The following LRRC4C variants were observed in gnomAD, a reference collection of about 807,000 sequenced individuals.
LRRC4C encodes leucine-rich repeat-containing protein 4C.
In LRRC4C, 5 loss-of-function variants were observed where a neutral mutation model predicts 33.6. The observed-to-expected ratio is 0.15, with a 90% CI of 0.08 to 0.31. The LOEUF (loss-of-function observed/expected upper bound fraction) is 0.31. Among genes scored for constraint, LRRC4C ranks in the 10% least tolerant of loss-of-function variants. The probability of loss-of-function intolerance (pLI) is 1.00; values close to 1 mark genes in which losing one functional copy is unlikely to be tolerated. For synonymous variants in LRRC4C, 329 were observed against 302.0 expected, an observed-to-expected ratio of 1.09 and a Z score of -0.93; for missense variants, 560 against 796.7, an observed-to-expected ratio of 0.70 and a Z score of 3.58.
intron 1 of LRRC4C, among the ~76,000 whole-genome samples, chr11:41,162,574 A>G (rs1944520316): frequency 6.6e-6 from 1 of 152,194 alleles, no homozygotes. Context: ...ATTGCTCCTT[A>G]GGCTACAAAC....
intron 2 of LRRC4C, among the ~76,000 whole-genome samples, chr11:40,781,354 T>A (rs1950203952): frequency 6.6e-6 from 1 of 152,156 alleles, no homozygotes; most frequent in African/African-American, 2.4e-5. Context: ...CAAAAATATT[T>A]ACAAAATAAT....
intron 1 of LRRC4C, among the ~76,000 whole-genome samples, chr11:41,170,178 C>T (rs1443357059): frequency 6.6e-6 from 1 of 152,188 alleles, no homozygotes; most frequent in Non-Finnish European, 1.5e-5. Context: ...TTTTATACTG[C>T]CCAAGGTAAT....
At chr11:40,554,694 T>G (rs564726490) in intron 3 of LRRC4C, among the ~76,000 whole-genome samples, 16 of 152,062 alleles carry the variant, frequency 1.1e-4, no homozygotes, top group Non-Finnish European at 2.4e-4. Flanking sequence ...ATTAGATATA[T>G]TCCTACTTTT....
chr11:40,702,437 T>C (rs574009959), intron 2 of LRRC4C, among the ~76,000 whole-genome samples: 7 of 152,264 alleles, frequency 4.6e-5, no homozygotes, highest in African/African-American at 1.7e-4. Flanking sequence ...CTTTCATCTT[T>C]CCATTTTCTC....
chr11:40,426,648 A>T (rs1055805929), intron 3 of LRRC4C, among the ~76,000 whole-genome samples: 2 of 152,152 alleles, frequency 1.3e-5, no homozygotes, highest in African/African-American at 4.8e-5. Context: ...TTGATCATCT[A>T]TCTCTGTACT....
intron 1 of LRRC4C, among the ~76,000 whole-genome samples, chr11:41,266,088 GGA>G (rs1167993445): frequency 6.6e-6 from 1 of 151,984 alleles, no homozygotes; most frequent in Non-Finnish European, 1.5e-5. Flanking sequence ...TATGTTAATT[GGA>G]GAGAGTTTGC....
rs112274773 is a variant in LRRC4C at position 40,134,710 on chromosome 11, G to T, written c.-43+6091C>A. ...GTAACATTATGATTTATCTATCTCT[G>T]CTCTGGAATCCTTAATATGTGATAC... On this transcript the variant is annotated intron_variant, in intron 6 of 6. Transcript: ENST00000528697. 4.5e-3 allele frequency among the ~76,000 whole-genome samples: 680 copies of T among 152,214 alleles called. 9 individuals carry two copies. Among genetic ancestry groups the T allele is most frequent in the South Asian group, 0.016 (77 of 4,826 alleles).
intron 2 of LRRC4C, among the ~76,000 whole-genome samples, chr11:40,847,227 T>A (rs957632493): frequency 2.6e-5 from 4 of 152,178 alleles, no homozygotes; most frequent in African/African-American, 9.7e-5. Context: ...CTTGTGCCAG[T>A]TTTCAAAGGG....
intron 2 of LRRC4C, among the ~76,000 whole-genome samples, chr11:40,888,021 C>T (rs1955540286): frequency 1.3e-5 from 2 of 151,798 alleles, no homozygotes; most frequent in Non-Finnish European, 2.9e-5. Flanking sequence ...TAGTCTTTGG[C>T]ACTAGTAATC....
intron 3 of LRRC4C, among the ~76,000 whole-genome samples, chr11:40,546,787 G>GA (rs1956942912): frequency 6.6e-6 from 1 of 152,022 alleles, no homozygotes; most frequent in Admixed American, 6.6e-5. Context: ...GCACAACTGG[G>GA]GAGGATACTG....
intron 2 of LRRC4C, among the ~76,000 whole-genome samples, chr11:40,876,550 G>A (rs1394118992): frequency 6.6e-6 from 1 of 152,038 alleles, no homozygotes; most frequent in African/African-American, 2.4e-5. Context: ...ACACAAGTAA[G>A]CAAGTTTTGT....
chr11:40,497,600 C>T (rs747564458), intron 3 of LRRC4C, among the ~76,000 whole-genome samples: 23 of 152,098 alleles, frequency 1.5e-4, no homozygotes, highest in African/African-American at 5.3e-4. Context: ...TGTGACCATG[C>T]TACACCTTCA....
At chr11:40,768,026 C>T (rs1949560367) in intron 2 of LRRC4C, among the ~76,000 whole-genome samples, 2 of 151,620 alleles carry the variant, frequency 1.3e-5, no homozygotes, top group South Asian at 4.2e-4. Context: ...AAAATATAAA[C>T]AAAATAAAAA....
At chr11:40,867,325 CA>C (rs1190303405) in intron 2 of LRRC4C, among the ~76,000 whole-genome samples, 4 of 152,178 alleles carry the variant, frequency 2.6e-5, no homozygotes, top group Admixed American at 2.6e-4. Flanking sequence ...TTCAATAGCT[CA>C]CTAGTCCTGA....
intron 2 of LRRC4C, among the ~76,000 whole-genome samples, chr11:40,899,577 A>C (rs1485277103): frequency 1.3e-5 from 2 of 152,182 alleles, no homozygotes; most frequent in African/African-American, 2.4e-5. Context: ...AGCTTTTCCC[A>C]ACATAGATTT....
chr11:41,413,125 G>C lies in LRRC4C; in HGVS notation c.-496+46306C>G, dbSNP rs148241238. Reference sequence around the variant, plus strand: ...TAGAGCAGGAAAGTTACAGAATGTAGAGAATGAGGATGGTTTGATTTACTA... The same window carrying C: ...TAGAGCAGGAAAGTTACAGAATGTACAGAATGAGGATGGTTTGATTTACTA... On this transcript the variant is annotated intron_variant, in intron 1 of 6. Transcript: ENST00000528697. Among the ~76,000 whole-genome samples, 8 of 152,086 alleles carry C rather than the reference G, an allele frequency of 5.3e-5. No individual in the cohort carries two copies. In the Middle Eastern group the frequency reaches 0.01, roughly 195 times the overall value.
chr11:40,552,280 T>C (rs1957154431), intron 3 of LRRC4C, among the ~76,000 whole-genome samples: 1 of 152,182 alleles, frequency 6.6e-6, no homozygotes, highest in African/African-American at 2.4e-5. Flanking sequence ...GTGATCTTTT[T>C]GAGGGAGATG....
chr11:41,062,029 C>T (rs1565347086), intron 1 of LRRC4C, among the ~76,000 whole-genome samples: 1 of 152,322 alleles, frequency 6.6e-6, no homozygotes, highest in East Asian at 1.9e-4. Context: ...ACTGCTACAT[C>T]TCCTGTACTT....
intron 1 of LRRC4C, among the ~76,000 whole-genome samples, chr11:41,230,348 T>C (rs989928457): frequency 6.6e-6 from 1 of 152,086 alleles, no homozygotes; most frequent in African/African-American, 2.4e-5. Context: ...CACTGTCATC[T>C]TTCTGGATAA....
Sources: allele counts gnomAD v4.1 joint callset (sites outside exome capture counted in the v4.1 genomes callset), GRCh38; gene constraint gnomAD v4.1.1; transcripts MANE v1.5; gene names NCBI Gene and HGNC (gene_info 2026-07-23, HGNC 2026-07-21).